Variants in ERBB4 observed in about 807,000 individuals in gnomAD.
The protein encoded by ERBB4 is erb-b2 receptor tyrosine kinase 4, also known as receptor tyrosine-protein kinase erbB-4.
ERBB4 carries 42 observed loss-of-function variants against 158.0 expected under a neutral mutation model. The ratio of observed to expected loss-of-function variants is 0.27; its 90% CI spans 0.21 to 0.34. The LOEUF is 0.34. Among genes scored for constraint, ERBB4 ranks in the 10% least tolerant of loss-of-function variants. The pLI is 1.00. For synonymous variants in ERBB4, 583 were observed against 558.7 expected (o/e 1.04, Z -0.61); for missense variants, 1,333 against 1,624.1 (o/e 0.82, Z 3.08).
At chr2:212,347,642 T>C (rs1214378159) in intron 1 of ERBB4, among the ~76,000 whole-genome samples, 1 of 152,158 alleles carries the variant, frequency 6.6e-6, no homozygotes, top group African/African-American at 2.4e-5. Flanking sequence ...CAGTATGCAG[T>C]ATATTTTTAC....
chr2:211,950,354 T>C (rs2080840718), intron 2 of ERBB4, among the ~76,000 whole-genome samples: 1 of 152,064 alleles, frequency 6.6e-6, no homozygotes, highest in Non-Finnish European at 1.5e-5. Context: ...CAATACAGGA[T>C]AGAAGTGGGT....
intron 5 of ERBB4, among the ~76,000 whole-genome samples, chr2:211,741,969 A>T (rs1165376929): frequency 6.6e-6 from 1 of 152,232 alleles, no homozygotes; most frequent in East Asian, 1.9e-4. Flanking sequence ...TAATTAGCTC[A>T]TTGTAATGTT....
chr2:212,347,906 T>A (rs1384371475), intron 1 of ERBB4, among the ~76,000 whole-genome samples: 1 of 152,056 alleles, frequency 6.6e-6, no homozygotes, highest in Non-Finnish European at 1.5e-5. Flanking sequence ...ATAATATAGA[T>A]ATTTTAAAGT....
At chr2:211,976,773 G>A (rs144231285) in intron 2 of ERBB4, among the ~76,000 whole-genome samples, 22 of 152,074 alleles carry the variant, frequency 1.4e-4, no homozygotes, top group African/African-American at 5.1e-4. Context: ...CAACAAGTCC[G>A]AGGCAACATC....
intron 20 of ERBB4, among the ~76,000 whole-genome samples, chr2:211,523,302 C>T (rs146105183): frequency 2.0e-5 from 3 of 148,134 alleles, no homozygotes; most frequent in Non-Finnish European, 4.4e-5. Flanking sequence ...CACATCCCCC[C>T]ACAGCAGCTG....
At position 211,673,172 on chromosome 2, in the gene ERBB4, G is replaced by A. The variant is rs758679160; in HGVS notation, c.1708C>T (p.His570Tyr). 2 of 1,610,554 alleles carry A rather than the reference G, an allele frequency of 1.2e-6. No homozygotes were observed. Among genetic ancestry groups the A allele is most frequent in the Non-Finnish European group, 1.7e-6 (2 of 1,176,996 alleles). ...EKMEDGLLTC[H>Y]GPGPDNCTKC... ...GATGTCTTCAGGCTTACCGGTCCATGGCATGTGAGGAGGCCATCTTCCATC... is the reference window on the plus strand; with the variant it reads ...GATGTCTTCAGGCTTACCGGTCCATAGCATGTGAGGAGGCCATCTTCCATC... The change falls in exon 14 of 28, where the codon CAT becomes TAT. Residue 570 changes from histidine (H) to tyrosine (Y), a missense_variant. Physicochemically the swap from His to Tyr is moderately conservative, Grantham distance 83. Coordinates refer to ENST00000342788, the MANE Select transcript of ERBB4 (RefSeq NM_005235.3).
intron 1 of ERBB4, among the ~76,000 whole-genome samples, chr2:212,185,021 C>CTTTTT (rs1553584051): frequency 1.3e-4 from 17 of 132,540 alleles, no homozygotes; most frequent in African/African-American, 4.5e-4. Context: ...ACTTTTTTTT[C>CTTTTT]TTTTTTTTTT....
intron 1 of ERBB4, among the ~76,000 whole-genome samples, chr2:212,219,205 G>C (rs1204135279): frequency 6.6e-6 from 1 of 151,298 alleles, no homozygotes; most frequent in Admixed American, 6.6e-5. Context: ...TAAAAAATTG[G>C]TAAATGGTAG....
At chr2:211,861,027 TAAATATA>T (rs1559585184) in intron 3 of ERBB4, among the ~76,000 whole-genome samples, 3 of 30,252 alleles carry the variant, frequency 9.9e-5, no homozygotes, top group Admixed American at 6.7e-4. Context: ...TATATATATA[TAAATATA>T]ATATATTTAT....
At chr2:212,238,325 G>A (rs1049179287) in intron 1 of ERBB4, among the ~76,000 whole-genome samples, 7 of 152,132 alleles carry the variant, frequency 4.6e-5, no homozygotes, top group Non-Finnish European at 1.0e-4. Flanking sequence ...CTTGGCTAGG[G>A]GAGGGAGTTC....
chr2:212,098,319 T>C (rs2078987986), intron 2 of ERBB4, among the ~76,000 whole-genome samples: 1 of 152,144 alleles, frequency 6.6e-6, no homozygotes, highest in African/African-American at 2.4e-5. Context: ...TCTTCCAGGC[T>C]ATGAGAAGAA....
intron 20 of ERBB4, among the ~76,000 whole-genome samples, chr2:211,545,706 C>T (rs767798626): frequency 1.6e-4 from 24 of 151,976 alleles, no homozygotes; most frequent in Non-Finnish European, 2.2e-4. Flanking sequence ...TTGCTTGGGG[C>T]GATAATCATT....
chr2:211,384,001 G>C lies in ERBB4; in HGVS notation c.3541C>G (p.Gln1181Glu). The C allele has an allele frequency of 6.2e-7, 1 of 1,614,030 alleles. No individual in the cohort carries two copies. Among genetic ancestry groups the C allele is most frequent in the Non-Finnish European group, 8.5e-7 (1 of 1,179,960 alleles). Residue 1181 changes from glutamine (Q) to glutamate (E), a missense_variant, in exon 28 of 28, where the codon CAA becomes GAA. Gln to Glu is a conservative substitution (Grantham distance 29, BLOSUM62 2). Around this residue, in one of 5 missense-constraint regions of ERBB4, gnomAD observed 252 missense variants for 241.3 expected, o/e 1.04. Coordinates refer to ENST00000342788, the MANE Select transcript of ERBB4 (RefSeq NM_005235.3). ...FVSRRKNGDL[Q>E]ALDNPEYHNA... ...TGATATTCGGGATTATCCAATGCTT[G>C]AAGGTCTCCATTTTTTCTCCGAGAA...
chr2:212,327,942 G>A (rs2087937587), intron 1 of ERBB4, among the ~76,000 whole-genome samples: 1 of 150,580 alleles, frequency 6.6e-6, no homozygotes, highest in Admixed American at 6.6e-5. Context: ...CTCAGATTGG[G>A]CCTAATGATT....
At chr2:212,195,102 T>C (rs1278716591) in intron 1 of ERBB4, among the ~76,000 whole-genome samples, 1 of 152,038 alleles carries the variant, frequency 6.6e-6, no homozygotes, top group Non-Finnish European at 1.5e-5. Context: ...TTGTATATAG[T>C]GCATAAAAAT....
At chr2:211,997,827 C>A (rs2082235109) in intron 2 of ERBB4, among the ~76,000 whole-genome samples, 1 of 151,728 alleles carries the variant, frequency 6.6e-6, no homozygotes, top group Admixed American at 6.6e-5. Context: ...ATTAATCATT[C>A]CACTTCCACT....
intron 1 of ERBB4, among the ~76,000 whole-genome samples, chr2:212,347,554 G>A (rs1280253009): frequency 6.6e-6 from 1 of 152,048 alleles, no homozygotes; most frequent in African/African-American, 2.4e-5. Flanking sequence ...ACTAATCCAG[G>A]TTGAGCATCC....
chr2:211,896,781 A>T (rs2079108464), intron 3 of ERBB4, among the ~76,000 whole-genome samples: 1 of 152,170 alleles, frequency 6.6e-6, no homozygotes, highest in Non-Finnish European at 1.5e-5. Context: ...TTAGGTCAAA[A>T]GAGCTATGGG....
At chr2:211,464,125 CTTTGA>C (rs766974053) in intron 20 of ERBB4, among the ~76,000 whole-genome samples, 26 of 152,148 alleles carry the variant, frequency 1.7e-4, no homozygotes, top group Non-Finnish European at 3.2e-4. Context: ...TTCTCCCTTT[CTTTGA>C]TTTAATTTCC....
Sources: allele counts gnomAD v4.1 joint callset (sites outside exome capture counted in the v4.1 genomes callset), GRCh38; gene constraint gnomAD v4.1.1; regional missense constraint gnomAD v4.1.1; transcripts MANE v1.5; gene names NCBI Gene and HGNC (gene_info 2026-07-23, HGNC 2026-07-21).